GTF3C3: variants seen among roughly 807,000 people sequenced by gnomAD.
The protein encoded by GTF3C3 is general transcription factor IIIC subunit 3.
Under a neutral mutation model 105.2 loss-of-function variants are expected in GTF3C3, and 75 were observed. That is an observed-to-expected ratio of 0.71 (90% CI 0.59 to 0.86). The LOEUF is 0.86. Among genes scored for constraint, GTF3C3 ranks in the 40% least tolerant of loss-of-function variants. The pLI is 0.00. For missense variants in GTF3C3, 856 were observed against 1,076.5 expected, an observed-to-expected ratio of 0.80 and a Z score of 2.87; for synonymous variants, 335 against 370.4, an observed-to-expected ratio of 0.90 and a Z score of 1.10.
At chr2:196,766,372 T>C (rs1699069379) in intron 17 of GTF3C3, among the ~76,000 whole-genome samples, 193 bp downstream of exon 17, 1 of 152,210 alleles carries the variant, frequency 6.6e-6, no homozygotes, top group Admixed American at 6.5e-5. Context: ...TATATGTTCA[T>C]ATGGTTGCTG....
At chr2:196,765,826 T>C (rs56835701) in intron 17 of GTF3C3, among the ~76,000 whole-genome samples, 2,889 of 151,568 alleles carry the variant, frequency 0.019, 40 homozygotes, top group Middle Eastern at 0.062. Context: ...CTGGTTAACA[T>C]GGTGAAACCC....
In GTF3C3 at chr2:196,779,036, G is replaced by A. The variant is rs200804819; in HGVS notation, c.1250C>T (p.Pro417Leu). ...PLLTTLVEQN[P>L]EDMGDLYLDV... ...TAGGTATAGGTCTCCCATATCTTCA[G>A]GATTCTGTTCTACTAGTGTTGTCAA... Residue 417 changes from proline (P) to leucine (L), a missense_variant, in exon 10 of 18, where the codon CCT becomes CTT. This residue lies in a region of GTF3C3 where 605 missense variants were observed against 833.6 expected (regional missense o/e 0.73). Transcript: ENST00000263956. 41 of 1,613,652 alleles carry A rather than the reference G, an allele frequency of 2.5e-5. No individual in the cohort carries two copies. The highest frequency in any genetic ancestry group is 3.5e-5 in the Non-Finnish European group (41 of 1,179,758).
intron 17 of GTF3C3, among the ~76,000 whole-genome samples, chr2:196,764,947 G>A (rs1699035079): frequency 1.3e-5 from 2 of 152,152 alleles, no homozygotes. Context: ...TTGGATTTTA[G>A]AGTTAAAAAA....
At chr2:196,775,812 A>G (rs1699250255) in intron 12 of GTF3C3, among the ~76,000 whole-genome samples, 198 bp downstream of exon 12, 1 of 152,232 alleles carries the variant, frequency 6.6e-6, no homozygotes, top group African/African-American at 2.4e-5. Context: ...GTACTAGGGA[A>G]GATTTTCACT....
intron 6 of GTF3C3, 39 bp downstream of exon 6, chr2:196,789,164 AT>A (rs1340078805): frequency 6.6e-7 from 1 of 1,504,864 alleles, no homozygotes; most frequent in Non-Finnish European, 9.0e-7. Context: ...GCAAAACAAG[AT>A]TAACAGGAGC....
chr2:196,772,898 A>C lies in GTF3C3; in HGVS notation c.2069+18T>G. 8.3e-7 allele frequency: 1 copy of C among 1,205,358 alleles called. No individual in the cohort carries two copies. The highest frequency in any genetic ancestry group is 1.2e-6 in the Non-Finnish European group (1 of 849,236). The allele number at this position is 1,205,358 out of a possible 1,614,324, so 74.7% of individuals were successfully genotyped here. On this transcript the variant is annotated intron_variant, in intron 14 of 17. Coordinates refer to ENST00000263956, the MANE Select transcript of GTF3C3 (RefSeq NM_012086.5). The stretch of plus-strand genomic sequence containing the variant: ...CTCTATTAAAGAATCTAATTAAAAT[A>C]AATAACTGGGAAATCACCTGATATA...
intron 2 of GTF3C3, among the ~76,000 whole-genome samples, chr2:196,794,391 T>C (rs975145388): frequency 2.0e-5 from 3 of 152,322 alleles, no homozygotes; most frequent in South Asian, 4.1e-4. Context: ...TAAGTATATA[T>C]AGAGAGATAT....
At chr2:196,797,639 AT>A (rs1430743907) in intron 2 of GTF3C3, among the ~76,000 whole-genome samples, 157 bp downstream of exon 2, 1 of 152,232 alleles carries the variant, frequency 6.6e-6, no homozygotes, top group Non-Finnish European at 1.5e-5. Context: ...CTCAACAAAT[AT>A]TTATTGGGCA....
chr2:196,771,326 A>G (rs1374862921), intron 15 of GTF3C3, among the ~76,000 whole-genome samples: 1 of 152,184 alleles, frequency 6.6e-6, no homozygotes, highest in African/African-American at 2.4e-5. Flanking sequence ...GCAAATTAAA[A>G]TCAGGTGGCA....
intron 13 of GTF3C3, chr2:196,773,716 G>A: frequency 4.7e-6 from 2 of 426,464 alleles, no homozygotes; most frequent in Non-Finnish European, 9.4e-6. Flanking sequence ...CCTGCAACTA[G>A]ACAGTACCAT....
chr2:196,776,449 T>C lies in GTF3C3; in HGVS notation c.1571A>G (p.Gln524Arg). The C allele has an allele frequency of 2.5e-6, 4 of 1,613,990 alleles. No homozygotes were observed. Among genetic ancestry groups the C allele is most frequent in the Admixed American group, 1.7e-5 (1 of 60,026 alleles). ...CACCTGCTGTGCAGCATTTGCATCC[T>C]GTGCTAAAGTATCTGGATCATACAT... ...EPMYDPDTLA[Q>R]DANAAQQELK... Residue 524 changes from glutamine to arginine, a missense_variant, in exon 11 of 18, where the codon CAG becomes CGG. Coordinates refer to ENST00000263956, the MANE Select transcript of GTF3C3 (RefSeq NM_012086.5). The surrounding 1 kb of genome is among the most constrained non-coding windows in gnomAD (Gnocchi z 4.5).
At chr2:196,787,987 C>T (rs1360561017) in intron 6 of GTF3C3, among the ~76,000 whole-genome samples, 1 of 152,198 alleles carries the variant, frequency 6.6e-6, no homozygotes, top group Non-Finnish European at 1.5e-5. Context: ...AGTATTATAT[C>T]TAATAGAAGT....
chr2:196,766,441 A>T, intron 17 of GTF3C3, 124 bp downstream of exon 17: 1 of 706,522 alleles, frequency 1.4e-6, no homozygotes, highest in Non-Finnish European at 2.3e-6. Context: ...AATTACGTAA[A>T]CATACTGAAT....
In GTF3C3 at chr2:196,795,273, A is replaced by G. The variant is rs1053874921; in HGVS notation, c.215-2121T>C. Among the ~76,000 whole-genome samples the G allele has an allele frequency of 2.6e-5, 4 of 151,094 alleles. No individual in the cohort carries two copies. In the South Asian group the frequency reaches 8.4e-4, roughly 32 times the overall value. On this transcript the variant is annotated intron_variant, in intron 2 of 17. Coordinates refer to ENST00000263956, the MANE Select transcript of GTF3C3 (RefSeq NM_012086.5). ...GGCTGGTCTTAAACTCCTGGCCTCAAGTGACCCACCCACCTCAGCCTCCCA... is the reference window on the plus strand; with the variant it reads ...GGCTGGTCTTAAACTCCTGGCCTCAGGTGACCCACCCACCTCAGCCTCCCA...
Position 196,771,751 on chromosome 2 carries a change from G to T in GTF3C3, c.2257C>A (p.Leu753Ile). The change falls in exon 15 of 18, where the codon CTT (leucine) becomes ATT (isoleucine). Residue 753 changes from leucine (L) to isoleucine (I), a missense_variant. By Grantham distance (5) the Leu-to-Ile change is conservative. Coordinates refer to ENST00000263956, the MANE Select transcript of GTF3C3 (RefSeq NM_012086.5). ...AGTCACGTGCCAGGACACTTACCAA[G>T]CGCATGCTTAAAACTACCAGATACA... ...AFVSGSFKHA[L>I]GQYVQAFRTH... 1 of 1,604,316 alleles carries T rather than the reference G, an allele frequency of 6.2e-7. No individual in the cohort carries two copies. The highest frequency in any genetic ancestry group is 8.5e-7 in the Non-Finnish European group (1 of 1,171,054).
At chr2:196,799,393 A>G (rs1699706849) in intron 1 of GTF3C3, 117 bp downstream of exon 1, 1 of 726,862 alleles carries the variant, frequency 1.4e-6, no homozygotes, top group African/African-American at 1.7e-5. Context: ...ATAAGGAAGA[A>G]GCTGCTGAAA....
intron 2 of GTF3C3, among the ~76,000 whole-genome samples, chr2:196,797,075 A>G (rs879546751): frequency 3.9e-5 from 6 of 152,192 alleles, no homozygotes; most frequent in Admixed American, 3.9e-4. Context: ...CTAGAACTAG[A>G]CAGTTGTTAT....
chr2:196,764,578 G>C lies in GTF3C3; in HGVS notation c.2646C>G (p.Thr882=), dbSNP rs756657339. Residue 882 remains threonine, a synonymous_variant, in exon 18 of 18, where the codon ACC becomes ACG. Transcript: ENST00000263956. ...NTGMAQTLLY[T]YCSI is the part of the protein sequence containing the mutation. ...TTGCGGTGCTTTATATAGAACAATA[G>C]GTATACAAAAGCGTTTGAGCCATTC... 12 of 1,613,710 alleles carry C rather than the reference G, an allele frequency of 7.4e-6. No individual in the cohort carries two copies. The highest frequency in any genetic ancestry group is 3.3e-5 in the Admixed American group (2 of 59,990).
chr2:196,769,819 T>C, intron 16 of GTF3C3, 96 bp downstream of exon 16: 1 of 968,604 alleles, frequency 1.0e-6, no homozygotes, highest in Non-Finnish European at 1.6e-6. Flanking sequence ...GAGAGCATTG[T>C]GTATTACTTT....
Sources: gnomAD v4.1 joint callset for allele counts (sites outside exome capture counted in the v4.1 genomes callset) on GRCh38, gnomAD v4.1.1 for gene constraint, gnomAD v4.1.1 regional missense constraint, Gnocchi (gnomAD v3.1) non-coding constraint, MANE v1.5 for transcripts, NCBI Gene and HGNC (gene_info 2026-07-23, HGNC 2026-07-21) for gene names.